Variants in RPS6KA2 observed in about 807,000 individuals in gnomAD.
RPS6KA2 encodes ribosomal protein S6 kinase A2.
A neutral mutation model predicts 91.8 loss-of-function variants in RPS6KA2; 42 were observed. The ratio of observed to expected loss-of-function variants is 0.46; its 90% CI spans 0.36 to 0.59. The LOEUF (loss-of-function observed/expected upper bound fraction) is 0.59, where lower values mean the gene tolerates loss of function less well. RPS6KA2 is among the 20% of genes least tolerant of loss of function. The pLI is 0.00. For synonymous variants in RPS6KA2, 414 were observed against 393.6 expected, an observed-to-expected ratio of 1.05 and a Z score of -0.61; for missense variants, 798 against 978.5, an observed-to-expected ratio of 0.82 and a Z score of 2.46.
intron 2 of RPS6KA2, chr6:166,701,079 G>A (rs1406218394): frequency 6.4e-7 from 1 of 1,570,128 alleles, no homozygotes; most frequent in Non-Finnish European, 8.8e-7. Context: ...TCCGTGGTGG[G>A]CTGTTTCCTG....
intron 15 of RPS6KA2, among the ~76,000 whole-genome samples, chr6:166,431,316 T>C (rs921545488): frequency 3.3e-5 from 5 of 152,250 alleles, no homozygotes; most frequent in Admixed American, 6.5e-5. Context: ...TTTCAAACTG[T>C]AACGTGCATC....
At chr6:166,684,725 TC>T (rs1788954493) in intron 2 of RPS6KA2, among the ~76,000 whole-genome samples, 1 of 152,120 alleles carries the variant, frequency 6.6e-6, no homozygotes, top group Admixed American at 6.5e-5. Context: ...TGCAGCTCCA[TC>T]CCCGAAAGCC....
intron 2 of RPS6KA2, among the ~76,000 whole-genome samples, chr6:166,774,764 C>T (rs1053543283): frequency 1.3e-5 from 2 of 152,066 alleles, no homozygotes; most frequent in East Asian, 1.9e-4. Context: ...AGCATGATGA[C>T]GATGTGGGGA....
Position 166,412,657 on chromosome 6 carries a change from C to A in RPS6KA2, c.*105G>T, listed in dbSNP as rs937609837. On this transcript the variant is annotated 3_prime_UTR_variant, in exon 21 of 21. Coordinates refer to ENST00000265678, the MANE Select transcript of RPS6KA2 (RefSeq NM_021135.6). The surrounding 1 kb of genome is among the most constrained non-coding windows in gnomAD (Gnocchi z 4.3). ...ACACGGCGAGGGCGGGCGCCGCCTC[C>A]CTGCTGGACTTGTGGTCACTCTGGG... 2 of 1,200,480 alleles carry A rather than the reference C, an allele frequency of 1.7e-6. No individual in the cohort carries two copies. Among genetic ancestry groups the A allele is most frequent in the Admixed American group, 5.4e-5 (2 of 36,988 alleles). 74.4% of individuals were successfully genotyped at this position (1,200,480 alleles called of 1,614,324 possible). A position where few individuals can be genotyped will look rare whatever the true frequency, so the allele number is the denominator to read the frequency against.
intron 2 of RPS6KA2, among the ~76,000 whole-genome samples, chr6:166,673,269 G>A (rs1025690062): frequency 2.6e-5 from 4 of 152,106 alleles, no homozygotes; most frequent in South Asian, 2.1e-4. Context: ...TGCAGGCTGC[G>A]GCTCTAGGGA....
chr6:166,563,219 G>T lies in RPS6KA2; in HGVS notation c.100-24435C>A, dbSNP rs1439990448. ...GGGTAGTGGAGACACCGCCACGTCT[G>T]TGTCTCTGGAGAAGGAAGATGGAGA... On this transcript the variant is annotated intron_variant, in intron 1 of 20. Transcript: ENST00000265678. The surrounding 1 kb of genome is among the most constrained non-coding windows in gnomAD (Gnocchi z 4.1). Among the ~76,000 whole-genome samples the T allele has an allele frequency of 6.6e-6, 1 of 152,232 alleles. No homozygotes were observed. The highest frequency in any genetic ancestry group is 1.5e-5 in the Non-Finnish European group (1 of 68,038).
intron 5 of RPS6KA2, among the ~76,000 whole-genome samples, chr6:166,505,355 C>T (rs181531478): frequency 1.8e-4 from 28 of 152,278 alleles, no homozygotes; most frequent in Admixed American, 5.2e-4. Flanking sequence ...CATGAGGCCT[C>T]GGAGCCCAAC....
chr6:166,630,680 G>A (rs9356497), upstream of RPS6KA2, among the ~76,000 whole-genome samples: 35,872 of 152,164 alleles, frequency 0.24, 4,483 homozygotes, highest in East Asian at 0.34. Flanking sequence ...GGAGGGAGGT[G>A]GGCTTCAGTG....
chr6:166,554,887 G>A lies in RPS6KA2; in HGVS notation c.100-16103C>T, dbSNP rs1784132842. Reference sequence around the variant, plus strand: ...GAAAAATGTCTCCAGTTTTACAAAGGTCAATTGGTAATTTACAAAACCTGA... The same window carrying A: ...GAAAAATGTCTCCAGTTTTACAAAGATCAATTGGTAATTTACAAAACCTGA... On this transcript the variant is annotated intron_variant, in intron 1 of 20. Coordinates refer to ENST00000265678, the MANE Select transcript of RPS6KA2 (RefSeq NM_021135.6). The surrounding 1 kb of genome is among the most constrained non-coding windows in gnomAD (Gnocchi z 4.3). Among the ~76,000 whole-genome samples, 1 of 152,188 alleles carries A rather than the reference G, an allele frequency of 6.6e-6. No individual in the cohort carries two copies. The highest frequency in any genetic ancestry group is 6.5e-5 in the Admixed American group (1 of 15,282).
At chr6:166,539,025 T>C (rs1047478397) in intron 1 of RPS6KA2, among the ~76,000 whole-genome samples, 23 of 151,872 alleles carry the variant, frequency 1.5e-4, no homozygotes, top group Non-Finnish European at 2.8e-4. Flanking sequence ...AACCTCCACC[T>C]CCCAGGTTCA....
chr6:166,569,994 G>A (rs1283956324), intron 1 of RPS6KA2, among the ~76,000 whole-genome samples: 2 of 152,126 alleles, frequency 1.3e-5, no homozygotes, highest in African/African-American at 2.4e-5. Context: ...TTTTCACTTT[G>A]CAGGTCTTAA....
chr6:166,773,203 C>T (rs1403403459), intron 2 of RPS6KA2, among the ~76,000 whole-genome samples: 1 of 152,110 alleles, frequency 6.6e-6, no homozygotes, highest in Non-Finnish European at 1.5e-5. Context: ...CATCTCCTCC[C>T]CTGAAGCATC....
chr6:166,646,393 A>C (rs1036247220), intron 2 of RPS6KA2, among the ~76,000 whole-genome samples: 4 of 152,236 alleles, frequency 2.6e-5, no homozygotes, highest in African/African-American at 9.6e-5. Flanking sequence ...AAGAGAAAGA[A>C]CACAACCAGC....
chr6:166,541,290 G>A (rs903493551), intron 1 of RPS6KA2, among the ~76,000 whole-genome samples: 1 of 152,274 alleles, frequency 6.6e-6, no homozygotes, highest in Non-Finnish European at 1.5e-5. Context: ...GAGCTGGCCA[G>A]GGAGGCTTCA....
At chr6:166,723,937 T>C (rs182001046) in intron 2 of RPS6KA2, among the ~76,000 whole-genome samples, 2 of 152,230 alleles carry the variant, frequency 1.3e-5, no homozygotes, top group East Asian at 3.9e-4. Context: ...TGACCTCAGG[T>C]GATCCACTCT....
rs191014707 is a variant in RPS6KA2 at position 166,677,783 on chromosome 6, A to G, written c.124-138999T>C. On this transcript the variant is annotated intron_variant, in intron 2 of 21. Transcript: ENST00000503859. ...CCTGGAGCTGTGTGGGTAGGTGGAG[A>G]AGGAGAGGGAGTGGACACATAAATA... Among the ~76,000 whole-genome samples the G allele has an allele frequency of 2.6e-5, 4 of 152,326 alleles. No individual in the cohort carries two copies. In the East Asian group the frequency reaches 7.7e-4, roughly 29 times the overall value.
Position 166,644,537 on chromosome 6 carries a change from C to T in RPS6KA2, c.124-105753G>A, listed in dbSNP as rs573476601. Among the ~76,000 whole-genome samples, 6 of 152,244 alleles carry T rather than the reference C, an allele frequency of 3.9e-5. No individual in the cohort carries two copies. The South Asian group carries it at 6.2e-4, about 16-fold the overall frequency. On this transcript the variant is annotated intron_variant, in intron 2 of 21. Coordinates refer to the RPS6KA2 transcript ENST00000503859. The stretch of plus-strand genomic sequence containing the variant: ...GAGCAACTGCTTTAGCTAAACCTCC[C>T]GGTATTCTCAGGGAAGGATCTGACT...
Position 166,495,008 on chromosome 6 carries a change from C to T in RPS6KA2, c.747+3500G>A, listed in dbSNP as rs558472214. On this transcript the variant is annotated intron_variant, in intron 8 of 20. Coordinates refer to ENST00000265678, the MANE Select transcript of RPS6KA2 (RefSeq NM_021135.6). The surrounding 1 kb of genome is among the most constrained non-coding windows in gnomAD (Gnocchi z 4.4). The stretch of plus-strand genomic sequence containing the variant: ...AATTCAGAAGTCACTTCTGATGCCA[C>T]CCACGGACGTGTGGGAAGCGTGGGG... Among the ~76,000 whole-genome samples, 2 of 152,228 alleles carry T rather than the reference C, an allele frequency of 1.3e-5. No homozygotes were observed. Among genetic ancestry groups the T allele is most frequent in the Admixed American group, 6.5e-5 (1 of 15,288 alleles).
At chr6:166,653,612 T>A (rs1198697084) in intron 2 of RPS6KA2, among the ~76,000 whole-genome samples, 1 of 152,226 alleles carries the variant, frequency 6.6e-6, no homozygotes, top group African/African-American at 2.4e-5. Context: ...GCACATATTT[T>A]GTATCACTTG....
Sources: allele counts gnomAD v4.1 joint callset (sites outside exome capture counted in the v4.1 genomes callset), GRCh38; gene constraint gnomAD v4.1.1; non-coding constraint Gnocchi (gnomAD v3.1); transcripts MANE v1.5; gene names NCBI Gene and HGNC (gene_info 2026-07-23, HGNC 2026-07-21).